The following MOB4 variants were observed in gnomAD, a reference collection of about 807,000 sequenced individuals.
MOB4 encodes the protein MOB-like protein phocein.
MOB4 carries 4 observed loss-of-function variants against 32.2 expected under a neutral mutation model. That is an observed-to-expected ratio of 0.12 (90% CI 0.06 to 0.28). MOB4 has a LOEUF of 0.28. Among genes scored for constraint, MOB4 ranks in the 10% least tolerant of loss-of-function variants. MOB4 has a pLI of 1.00. For missense variants in MOB4, 158 were observed against 271.2 expected (o/e 0.58, Z 2.93); for synonymous variants, 88 against 88.1 (o/e 1.00, Z 0.01).
Position 197,536,730 on chromosome 2 carries a change from T to C in MOB4, c.224+1100T>C, listed in dbSNP as rs144251912. On this transcript the variant is annotated intron_variant, in intron 3 of 7. Coordinates refer to ENST00000323303, the MANE Select transcript of MOB4 (RefSeq NM_015387.5). ...GATTCTTCTGCCTCAGCCTCCCGAG[T>C]AGCTGGGACTACAGGCGCAGCCATG... Among the ~76,000 whole-genome samples the C allele has an allele frequency of 9.1e-3, 1,377 of 151,184 alleles. 31 individuals carry two copies. The highest frequency in any genetic ancestry group is 0.031 in the African/African-American group (1,267 of 41,182).
chr2:197,530,648 C>T (rs2086685501), intron 2 of MOB4, among the ~76,000 whole-genome samples: 1 of 151,884 alleles, frequency 6.6e-6, no homozygotes, highest in Non-Finnish European at 1.5e-5. Flanking sequence ...TTTTTTGAGA[C>T]AGGGTCTCAC....
At chr2:197,534,209 G>A (rs771552411) in intron 2 of MOB4, among the ~76,000 whole-genome samples, 32 of 152,304 alleles carry the variant, frequency 2.1e-4, no homozygotes, top group South Asian at 4.1e-4. Flanking sequence ...ATTGTCTGAA[G>A]TAGGCAAAAT....
chr2:197,547,214 G>A lies in MOB4; in HGVS notation c.355-1122G>A, dbSNP rs1420908679. Among the ~76,000 whole-genome samples the A allele has an allele frequency of 2.0e-5, 3 of 152,144 alleles. No individual in the cohort carries two copies. The East Asian group carries it at 5.8e-4, about 29-fold the overall frequency. ...GGAGAAAGAGAAAGAAGTGGGGTTG[G>A]TCTTGCCGTTGCTGGGAAAATCTGA... is the stretch of plus-strand genomic sequence containing the variant. On this transcript the variant is annotated intron_variant, in intron 5 of 7. Coordinates refer to ENST00000323303, the MANE Select transcript of MOB4 (RefSeq NM_015387.5).
At chr2:197,519,556 T>G (rs928114047) in intron 1 of MOB4, among the ~76,000 whole-genome samples, 1 of 152,248 alleles carries the variant, frequency 6.6e-6, no homozygotes, top group Non-Finnish European at 1.5e-5. Context: ...TATACTGTAT[T>G]TAGGGAATAA....
At chr2:197,530,124 C>T (rs928698538) in intron 2 of MOB4, among the ~76,000 whole-genome samples, 2 of 152,076 alleles carry the variant, frequency 1.3e-5, no homozygotes, top group African/African-American at 4.8e-5. Context: ...CGCCTGCCAC[C>T]GTGTCTGGCT....
chr2:197,545,544 C>T (rs918297861), intron 5 of MOB4, among the ~76,000 whole-genome samples: 1 of 152,054 alleles, frequency 6.6e-6, no homozygotes, highest in Admixed American at 6.6e-5. Flanking sequence ...AAGGGAGAAA[C>T]ATACAGTACG....
At chr2:197,537,812 G>A (rs1485392043) in intron 3 of MOB4, among the ~76,000 whole-genome samples, 3 of 152,010 alleles carry the variant, frequency 2.0e-5, no homozygotes, top group East Asian at 1.9e-4. Flanking sequence ...CTCGAGTCTC[G>A]CTTTGTCACC....
chr2:197,526,349 G>T (rs975314784), intron 2 of MOB4, among the ~76,000 whole-genome samples: 7 of 151,586 alleles, frequency 4.6e-5, no homozygotes, highest in Non-Finnish European at 1.0e-4. Context: ...AGACAGTCTC[G>T]CTCTGTCACC....
intron 2 of MOB4, among the ~76,000 whole-genome samples, 195 bp downstream of exon 2, chr2:197,523,881 A>G (rs893335512): frequency 9.2e-5 from 14 of 152,214 alleles, no homozygotes; most frequent in Admixed American, 4.6e-4. Context: ...ATAGTTAAGT[A>G]TTCTTATATC....
At chr2:197,521,772 A>G (rs563672455) in intron 1 of MOB4, among the ~76,000 whole-genome samples, 1 of 152,354 alleles carries the variant, frequency 6.6e-6, no homozygotes, top group South Asian at 2.1e-4. Flanking sequence ...ACCAGTGGTC[A>G]GAGTTTAAGG....
chr2:197,525,580 TA>T (rs1043539780), intron 2 of MOB4, among the ~76,000 whole-genome samples: 2 of 150,892 alleles, frequency 1.3e-5, no homozygotes, highest in Admixed American at 1.3e-4. Flanking sequence ...CTGTAAAAAA[TA>T]AAAAGGTTGG....
In MOB4 at chr2:197,552,907, C is replaced by T. The variant is rs9646751; in HGVS notation, c.*2261C>T. ...TTGTTTGAATTACCCTATGTATATC[C>T]GAAGGTAAACTTAGGCTTTTCTTTC... On this transcript the variant is annotated 3_prime_UTR_variant, in exon 8 of 8. Coordinates refer to ENST00000323303, the MANE Select transcript of MOB4 (RefSeq NM_015387.5). 6.6e-6 allele frequency: 1 copy of T among 152,132 alleles called. No individual in the cohort carries two copies. The highest frequency in any genetic ancestry group is 1.9e-4 in the East Asian group (1 of 5,212). 9.4% of individuals were successfully genotyped at this position (152,132 alleles called of 1,614,324 possible).
rs2087123201 is a variant in MOB4 at position 197,553,095 on chromosome 2, A to G, written c.*2449A>G. 2 of 152,168 alleles carry G rather than the reference A, an allele frequency of 1.3e-5. No homozygotes were observed. Among genetic ancestry groups the G allele is most frequent in the Admixed American group, 1.3e-4 (2 of 15,282 alleles). The allele number at this position is 152,168 out of a possible 1,614,324, so 9.4% of individuals were successfully genotyped here. On this transcript the variant is annotated 3_prime_UTR_variant, in exon 8 of 8. Coordinates refer to ENST00000323303, the MANE Select transcript of MOB4 (RefSeq NM_015387.5). ...ATTTGGATTTCTAGAACAGTTTCTCAGTTAAATTCTTGATGACTTAACAAC... is the reference window on the plus strand; with the variant it reads ...ATTTGGATTTCTAGAACAGTTTCTCGGTTAAATTCTTGATGACTTAACAAC...
chr2:197,531,586 G>A (rs1053141300), intron 2 of MOB4, among the ~76,000 whole-genome samples: 1 of 151,346 alleles, frequency 6.6e-6, no homozygotes, highest in Non-Finnish European at 1.5e-5. Flanking sequence ...TTTTTTTTGA[G>A]ACGGAGTCTT....
rs779036753 is a variant in MOB4, at chr2:197,553,602, A to G, written c.*2956A>G. 1 of 152,198 alleles carries G rather than the reference A, an allele frequency of 6.6e-6. No individual in the cohort carries two copies. The highest frequency in any genetic ancestry group is 1.5e-5 in the Non-Finnish European group (1 of 68,036). The allele number at this position is 152,198 out of a possible 1,614,324, so 9.4% of individuals were successfully genotyped here. A position where few individuals can be genotyped will look rare whatever the true frequency, so the allele number is the denominator to read the frequency against. ...TGAGCAGCTAAATTTTAAATTGTAT[A>G]TACTTTATTTTGTGAATCCTTGTTG... On this transcript the variant is annotated 3_prime_UTR_variant, in exon 8 of 8. Coordinates refer to ENST00000323303, the MANE Select transcript of MOB4 (RefSeq NM_015387.5).
chr2:197,551,368 T>TA lies in MOB4; in HGVS notation c.*724dup, dbSNP rs2087094883. 6.5e-6 allele frequency: 1 copy of TA among 152,770 alleles called. No homozygotes were observed. Among genetic ancestry groups the TA allele is most frequent in the African/African-American group, 2.4e-5 (1 of 41,452 alleles). The allele number at this position is 152,770 out of a possible 1,614,324, so 9.5% of individuals were successfully genotyped here. A position where few individuals can be genotyped will look rare whatever the true frequency, so the allele number is the denominator to read the frequency against. ...CCTGTCCACCCCTTCTCATTTCCCT[T>TA]AACCTTATCTTCAAACTACTTTAGC... On this transcript the variant is annotated 3_prime_UTR_variant, in exon 8 of 8. Coordinates refer to ENST00000323303, the MANE Select transcript of MOB4 (RefSeq NM_015387.5).
At chr2:197,527,069 G>A (rs1275280321) in intron 2 of MOB4, among the ~76,000 whole-genome samples, 1 of 152,070 alleles carries the variant, frequency 6.6e-6, no homozygotes, top group Admixed American at 6.6e-5. Context: ...GAGCCACCAT[G>A]CTCTGACCAA....
intron 6 of MOB4, 97 bp downstream of exon 6, chr2:197,548,512 A>G (rs1306135930): frequency 1.4e-6 from 1 of 731,124 alleles, no homozygotes; most frequent in Non-Finnish European, 2.2e-6. Flanking sequence ...ATTAGGAGCT[A>G]TACCTAATGC....
At chr2:197,524,998 A>G (rs1262280922) in intron 2 of MOB4, among the ~76,000 whole-genome samples, 1 of 152,114 alleles carries the variant, frequency 6.6e-6, no homozygotes, top group East Asian at 1.9e-4. Context: ...TTTTAAAGGG[A>G]AAATATACCA....
Sources: allele counts gnomAD v4.1 joint callset (sites outside exome capture counted in the v4.1 genomes callset), GRCh38; gene constraint gnomAD v4.1.1; transcripts MANE v1.5; gene names NCBI Gene and HGNC (gene_info 2026-07-23, HGNC 2026-07-21).